Variants in RAB29 observed in about 807,000 individuals in gnomAD.
RAB29 encodes the protein RAB29, member RAS oncogene family.
In RAB29, 13 loss-of-function variants were observed where a neutral mutation model predicts 25.5. The ratio of observed to expected loss-of-function variants is 0.51; its 90% CI spans 0.33 to 0.81. The LOEUF (loss-of-function observed/expected upper bound fraction) is 0.81, where lower values mean the gene tolerates loss of function less well. Ranked by LOEUF, RAB29 falls within the 30% of genes least tolerant of loss-of-function variation. The pLI, the probability that RAB29 is intolerant of heterozygous loss-of-function variation, is 0.02. For synonymous variants in RAB29, 88 were observed against 95.0 expected, an observed-to-expected ratio of 0.93 and a Z score of 0.43; for missense variants, 201 against 254.9, an observed-to-expected ratio of 0.79 and a Z score of 1.44.
chr1:205,775,248 C>T lies in RAB29; in HGVS notation c.-131+25G>A, dbSNP rs187306487. On this transcript the variant is annotated intron_variant, in intron 1 of 5. Transcript: ENST00000367139. ...CTGGCCTGACTGCCGAGAAACTGGA[C>T]CAGGCGCCGCGGAACCTCACCCACC... is the stretch of plus-strand genomic sequence containing the variant. The T allele has an allele frequency of 1.0e-3, 364 of 352,634 alleles. 1 individual carries two copies. The highest frequency in any genetic ancestry group is 7.2e-3 in the African/African-American group (335 of 46,708). The allele number at this position is 352,634 out of a possible 1,614,324, so 21.8% of individuals were successfully genotyped here. A position where few individuals can be genotyped will look rare whatever the true frequency, so the allele number is the denominator to read the frequency against.
intron 4 of RAB29, 123 bp downstream of exon 4, chr1:205,771,349 G>A (rs959798316): frequency 1.3e-5 from 14 of 1,089,940 alleles, no homozygotes; most frequent in Admixed American, 3.5e-5. Flanking sequence ...ATCCTTTGAA[G>A]GAGGTAGAGA....
chr1:205,770,613 A>G (rs1654937750), intron 5 of RAB29, 120 bp downstream of exon 5: 4 of 1,510,756 alleles, frequency 2.6e-6, no homozygotes, highest in Non-Finnish European at 3.6e-6. Flanking sequence ...CCTGACCTTT[A>G]GGGGCTAGCA....
intron 2 of RAB29, 60 bp downstream of exon 2, chr1:205,774,773 C>G: frequency 6.5e-7 from 1 of 1,530,672 alleles, no homozygotes; most frequent in Non-Finnish European, 8.9e-7. Flanking sequence ...GTCCCCAGCT[C>G]GAGTCCGCGG....
chr1:205,771,353 G>A (rs1654999806), intron 4 of RAB29, 119 bp downstream of exon 4: 1 of 1,148,608 alleles, frequency 8.7e-7, no homozygotes, highest in Non-Finnish European at 1.3e-6. Context: ...TTTGAAGGAG[G>A]TAGAGATGAT....
rs563815201 is a variant in RAB29, at chr1:205,775,282, C to A, written c.-140G>T. 2.3e-4 allele frequency: 70 copies of A among 298,026 alleles called. No individual in the cohort carries two copies. Among genetic ancestry groups the A allele is most frequent in the African/African-American group, 1.5e-3 (68 of 45,350 alleles). 18.5% of individuals were successfully genotyped at this position (298,026 alleles called of 1,614,324 possible). ...GCGGAACCTCACCCACCGGGACTTC[C>A]CCCGAGCGGCTCCAAGTCAGTGACT... On this transcript the variant is annotated 5_prime_UTR_variant, in exon 1 of 6. Transcript: ENST00000367139.
chr1:205,770,953 T>C, intron 4 of RAB29, 99 bp from the exon 5 acceptor site: 3 of 1,421,090 alleles, frequency 2.1e-6, no homozygotes, highest in South Asian at 1.2e-5. Flanking sequence ...TTTCCACCAA[T>C]GGATAAGAAC....
Position 205,775,043 on chromosome 1 carries a change from T to A in RAB29, c.-87A>T. On this transcript the variant is annotated 5_prime_UTR_variant, in exon 2 of 6. Coordinates refer to ENST00000367139, the MANE Select transcript of RAB29 (RefSeq NM_003929.3). Reference sequence around the variant, plus strand: ...TTTTAACCCCTTTGGATCCGGACCCTCTTCAAACTGAAGTGAGGCATTCCC... The same window carrying A: ...TTTTAACCCCTTTGGATCCGGACCCACTTCAAACTGAAGTGAGGCATTCCC... 1 of 1,526,452 alleles carries A rather than the reference T, an allele frequency of 6.6e-7. No homozygotes were observed. Among genetic ancestry groups the A allele is most frequent in the Non-Finnish European group, 8.9e-7 (1 of 1,117,384 alleles). The allele number at this position is 1,526,452 out of a possible 1,614,324, so 94.6% of individuals were successfully genotyped here.
Position 205,774,782 on chromosome 1 carries a change from G to A in RAB29, c.124+51C>T, listed in dbSNP as rs570127631. On this transcript the variant is annotated intron_variant, in intron 2 of 5. Coordinates refer to ENST00000367139, the MANE Select transcript of RAB29 (RefSeq NM_003929.3). ...ACTTGGGTCCCCAGCTCGAGTCCGC[G>A]GTCGGGGCCTCCTCCTCCCCCTCCC... 10 of 1,534,726 alleles carry A rather than the reference G, an allele frequency of 6.5e-6. No individual in the cohort carries two copies. In the East Asian group the frequency reaches 1.5e-4, roughly 23 times the overall value.
intron 2 of RAB29, 23 bp downstream of exon 2, chr1:205,774,810 T>G: frequency 9.6e-6 from 5 of 522,980 alleles, no homozygotes; most frequent in East Asian, 5.0e-5. Context: ...CCCCTCCCCC[T>G]CCCCACCCCC....
chr1:205,772,529 C>T lies in RAB29; in HGVS notation c.163G>A (p.Glu55Lys), dbSNP rs1468187454. Residue 55 changes from glutamate (E) to lysine (K), a missense_variant, in exon 3 of 6, where the codon GAG becomes AAG. Coordinates refer to ENST00000367139, the MANE Select transcript of RAB29 (RefSeq NM_003929.3). Reference protein sequence around the residue: ...ALKVLQWSDYEIVRLQLWDIA... With the variant: ...ALKVLQWSDYKIVRLQLWDIA... ...TCCCACAGCTGAAGCCGCACTATCT[C>T]GTAGTCAGACCACTGGAGAACCTTC... 5.6e-6 allele frequency: 9 copies of T among 1,613,826 alleles called. No individual in the cohort carries two copies. Among genetic ancestry groups the T allele is most frequent in the Non-Finnish European group, 7.6e-6 (9 of 1,179,966 alleles).
chr1:205,772,034 C>A (rs887945125), intron 3 of RAB29, among the ~76,000 whole-genome samples: 21 of 151,098 alleles, frequency 1.4e-4, no homozygotes, highest in African/African-American at 5.1e-4. Flanking sequence ...CTGCAACCTC[C>A]ACCTCCCAGG....
Position 205,770,977 on chromosome 1 carries a change from A to G in RAB29, c.379-123T>C, listed in dbSNP as rs1654964722. ...ATGGATAAGAACACCAGCATCGGAAATCTATAATCAACATTCTTCCCAAAG... is the reference window on the plus strand; with the variant it reads ...ATGGATAAGAACACCAGCATCGGAAGTCTATAATCAACATTCTTCCCAAAG... On this transcript the variant is annotated intron_variant, in intron 4 of 5. Transcript: ENST00000367139. The G allele has an allele frequency of 3.1e-6, 4 of 1,286,278 alleles. No homozygotes were observed. In the South Asian group the frequency reaches 5.3e-5, roughly 17 times the overall value. The allele number at this position is 1,286,278 out of a possible 1,614,324, so 79.7% of individuals were successfully genotyped here.
Position 205,770,110 on chromosome 1 carries a change from C to T in RAB29, c.*232G>A, listed in dbSNP as rs1654911898. The stretch of plus-strand genomic sequence containing the variant: ...GAGGGCTGATGAGAAGATCTTACAC[C>T]GAAGGCACTAACTGGCACTAATGTG... On this transcript the variant is annotated 3_prime_UTR_variant, in exon 6 of 6. Coordinates refer to ENST00000367139, the MANE Select transcript of RAB29 (RefSeq NM_003929.3). 7.1e-6 allele frequency: 4 copies of T among 563,994 alleles called. No individual in the cohort carries two copies. Among genetic ancestry groups the T allele is most frequent in the South Asian group, 4.2e-5 (2 of 47,912 alleles). 34.9% of individuals were successfully genotyped at this position (563,994 alleles called of 1,614,324 possible). A position where few individuals can be genotyped will look rare whatever the true frequency, so the allele number is the denominator to read the frequency against.
chr1:205,774,792 T>TCCGC, intron 2 of RAB29, 41 bp downstream of exon 2: 4 of 1,287,998 alleles, frequency 3.1e-6, no homozygotes, highest in African/African-American at 1.5e-5. Flanking sequence ...GGTCGGGGCC[T>TCCGC]CCTCCTCCCC....
rs1201973661 is a variant in RAB29, at chr1:205,774,925, A to T, written c.32T>A (p.Leu11Gln). 1.9e-6 allele frequency: 3 copies of T among 1,613,240 alleles called. No homozygotes were observed. The highest frequency in any genetic ancestry group is 1.7e-6 in the Non-Finnish European group (2 of 1,179,714). ...GCCCACTGCGGCGTCCCCCACCACC[A>T]GCACTTTGAACAGGTGGTCGCGGCT... MGSRDHLFKV[L>Q]VVGDAAVGKT... Residue 11 changes from leucine to glutamine, a missense_variant, in exon 2 of 6, where the codon CTG becomes CAG. Coordinates refer to ENST00000367139, the MANE Select transcript of RAB29 (RefSeq NM_003929.3).
At chr1:205,770,474 C>G (rs1450461992) in intron 5 of RAB29, 21 bp from the exon 6 acceptor site, 1 of 1,588,742 alleles carries the variant, frequency 6.3e-7, no homozygotes. Flanking sequence ...AAAAATAAGC[C>G]TGAGAAGCTT....
chr1:205,770,645 T>C lies in RAB29; in HGVS notation c.500+88A>G, dbSNP rs568568487. ...AGCATTCCAATGGCTCAGTCTGTCA[T>C]TGTTGGCTCAGAAATAAGAAAAGAG... is the stretch of plus-strand genomic sequence containing the variant. On this transcript the variant is annotated intron_variant, in intron 5 of 5. Transcript: ENST00000367139. 3.1e-4 allele frequency: 484 copies of C among 1,584,620 alleles called. 3 individuals carry two copies. The Admixed American group carries it at 5.5e-3, about 18-fold the overall frequency.
In RAB29 at chr1:205,775,329, A is replaced by G. The variant is rs1655271055; in HGVS notation, c.-187T>C. The G allele has an allele frequency of 9.7e-6, 2 of 205,354 alleles. No individual in the cohort carries two copies. The highest frequency in any genetic ancestry group is 1.1e-4 in the Admixed American group (2 of 17,586). 12.7% of individuals were successfully genotyped at this position (205,354 alleles called of 1,614,324 possible). On this transcript the variant is annotated 5_prime_UTR_variant, in exon 1 of 6. Coordinates refer to ENST00000367139, the MANE Select transcript of RAB29 (RefSeq NM_003929.3). ...GACTGAATCCCAGTCAGCTCCTTAC[A>G]CCACTGGGGCCAGATGATGGGGACC...
intron 5 of RAB29, 63 bp downstream of exon 5, chr1:205,770,670 G>C: frequency 6.2e-7 from 1 of 1,606,518 alleles, no homozygotes; most frequent in South Asian, 1.1e-5. Flanking sequence ...TAAGAAAAGA[G>C]GGTCCACAGG....
Sources: allele counts gnomAD v4.1 joint callset (sites outside exome capture counted in the v4.1 genomes callset), GRCh38; gene constraint gnomAD v4.1.1; transcripts MANE v1.5; gene names NCBI Gene and HGNC (gene_info 2026-07-23, HGNC 2026-07-21).